Variants in PTPRQ observed in about 807,000 individuals in gnomAD.
PTPRQ encodes phosphatidylinositol phosphatase PTPRQ.
PTPRQ carries 199 observed loss-of-function variants against 246.0 expected under a neutral mutation model. That is an observed-to-expected ratio of 0.81 (90% CI 0.72 to 0.91). The LOEUF (loss-of-function observed/expected upper bound fraction) is 0.91. PTPRQ is among the 40% of genes least tolerant of loss of function. PTPRQ has a pLI of 0.00. For missense variants in PTPRQ, 2,624 were observed against 2,528.4 expected (o/e 1.04, Z -0.81); for synonymous variants, 869 against 853.2 (o/e 1.02, Z -0.32).
intron 17 of PTPRQ, among the ~76,000 whole-genome samples, chr12:80,522,971 C>T (rs1385477106): frequency 7.2e-5 from 11 of 152,066 alleles, no homozygotes; most frequent in South Asian, 2.1e-4. Context: ...TGGTAGAATT[C>T]GGCTGTGAAT....
At chr12:80,500,047 CAA>C (rs1045585751) in intron 14 of PTPRQ, among the ~76,000 whole-genome samples, 13 of 151,726 alleles carry the variant, frequency 8.6e-5, no homozygotes, top group East Asian at 1.9e-4. Flanking sequence ...AGATGTTGAC[CAA>C]AATTTTGTGT....
chr12:80,647,777 T>C (rs1269485557), intron 35 of PTPRQ, among the ~76,000 whole-genome samples: 1 of 152,166 alleles, frequency 6.6e-6, no homozygotes, highest in Non-Finnish European at 1.5e-5. Context: ...CCACCAAGAC[T>C]CTTTGTTAGT....
At position 80,635,065 on chromosome 12, in the gene PTPRQ, A is replaced by G; in HGVS notation, c.5907A>G (p.Arg1969=). The G allele has an allele frequency of 6.4e-7, 1 of 1,550,858 alleles. No homozygotes were observed. Among genetic ancestry groups the G allele is most frequent in the Non-Finnish European group, 8.7e-7 (1 of 1,146,608 alleles). Reference sequence around the variant, plus strand: ...CAGACCTGGAACTGAAGGACGAGAGATTAACGCGGTGAGCACACTCCTCTG... The same window carrying G: ...CAGACCTGGAACTGAAGGACGAGAGGTTAACGCGGTGAGCACACTCCTCTG... The part of the protein sequence containing the change: ...TVADLELKDE[R]LTRLLSYRKS... The change falls in exon 35 of 45, where the codon AGA becomes AGG. Residue 1969 remains arginine (R), a synonymous_variant. Transcript: ENST00000644991.
At chr12:80,611,695 G>A (rs909005695) in intron 28 of PTPRQ, among the ~76,000 whole-genome samples, 23 of 150,292 alleles carry the variant, frequency 1.5e-4, no homozygotes, top group Non-Finnish European at 6.0e-5. Flanking sequence ...TCTAAGAGTA[G>A]AATTTTATGT....
At chr12:80,553,569 T>C (rs61951068) in intron 25 of PTPRQ, among the ~76,000 whole-genome samples, 53 of 152,180 alleles carry the variant, frequency 3.5e-4, no homozygotes, top group Non-Finnish European at 6.5e-4. Context: ...TCTCACTGCC[T>C]AGTGTCTGAC....
At chr12:80,452,694 C>A (rs1016680368) in intron 3 of PTPRQ, among the ~76,000 whole-genome samples, 1 of 152,152 alleles carries the variant, frequency 6.6e-6, no homozygotes, top group African/African-American at 2.4e-5. Context: ...AATATTGGCC[C>A]CCACTCTCTT....
At chr12:80,620,656 T>C (rs1163303049) in intron 32 of PTPRQ, among the ~76,000 whole-genome samples, 3 of 151,798 alleles carry the variant, frequency 2.0e-5, no homozygotes, top group African/African-American at 7.2e-5. Flanking sequence ...TTGGAGAACA[T>C]AGGTATATAG....
At chr12:80,556,964 G>GTT (rs1896663996) in intron 25 of PTPRQ, among the ~76,000 whole-genome samples, 1 of 152,136 alleles carries the variant, frequency 6.6e-6, no homozygotes, top group African/African-American at 2.4e-5. Context: ...TGATGTGACT[G>GTT]TCCCAGAAGT....
intron 38 of PTPRQ, among the ~76,000 whole-genome samples, chr12:80,656,308 G>A (rs917168330): frequency 6.6e-6 from 1 of 152,068 alleles, no homozygotes; most frequent in African/African-American, 2.4e-5. Flanking sequence ...CCTATTATAA[G>A]CTTTCATGTA....
intron 3 of PTPRQ, among the ~76,000 whole-genome samples, chr12:80,448,014 T>A (rs1892605852): frequency 1.3e-5 from 2 of 152,106 alleles, no homozygotes; most frequent in Non-Finnish European, 2.9e-5. Context: ...ATTCTTCCAA[T>A]CCAAGAGCAT....
chr12:80,445,428 T>C (rs1220345708), intron 2 of PTPRQ, 63 bp from the exon 3 acceptor site: 4 of 998,380 alleles, frequency 4.0e-6, no homozygotes, highest in Non-Finnish European at 5.8e-6. Flanking sequence ...ACTGTTATTA[T>C]GTATTTTTGT....
rs1390154821 is a variant in PTPRQ, at chr12:80,482,764, C to A, written c.1187-1669C>A. Among the ~76,000 whole-genome samples the A allele has an allele frequency of 2.0e-5, 3 of 151,118 alleles. No homozygotes were observed. In the South Asian group the frequency reaches 6.2e-4, roughly 31 times the overall value. ...AGAAGACATTTATGCAGCCAAAAGA[C>A]ACATGAAAAAATGCTTATCATCACT... On this transcript the variant is annotated intron_variant, in intron 8 of 44. Transcript: ENST00000644991.
intron 21 of PTPRQ, 37 bp downstream of exon 21, chr12:80,541,882 G>A: frequency 1.3e-6 from 2 of 1,486,212 alleles, no homozygotes; most frequent in Non-Finnish European, 1.8e-6. Flanking sequence ...TAAGCAGATT[G>A]TTGTTCTTTT....
chr12:80,483,367 G>T (rs1437087205), intron 8 of PTPRQ, among the ~76,000 whole-genome samples: 2 of 126,616 alleles, frequency 1.6e-5, no homozygotes, highest in Non-Finnish European at 3.3e-5. Flanking sequence ...CACACTCTGG[G>T]GCCTGTTGTG....
chr12:80,542,983 A>T (rs1896200553), intron 23 of PTPRQ, 102 bp downstream of exon 23: 2 of 837,082 alleles, frequency 2.4e-6, no homozygotes, highest in Non-Finnish European at 1.7e-6. Flanking sequence ...TTAAACAATG[A>T]CTATTTTTTT....
At chr12:80,634,157 T>C (rs906963671) in intron 34 of PTPRQ, among the ~76,000 whole-genome samples, 3 of 152,220 alleles carry the variant, frequency 2.0e-5, no homozygotes, top group Non-Finnish European at 4.4e-5. Context: ...TTTTCTGCAT[T>C]GAAATCTTGC....
chr12:80,645,783 T>A (rs1238576158), intron 35 of PTPRQ, among the ~76,000 whole-genome samples: 2 of 152,084 alleles, frequency 1.3e-5, no homozygotes, highest in Non-Finnish European at 2.9e-5. Context: ...GTACGAAGAA[T>A]GCCTGGAATG....
rs544307561 is a variant in PTPRQ at position 80,586,255 on chromosome 12, C to G, written c.4286-1874C>G. On this transcript the variant is annotated intron_variant, in intron 25 of 44. Transcript: ENST00000644991. The stretch of plus-strand genomic sequence containing the variant: ...GCGAAGGACATGAACAGACACTTCT[C>G]AAAAGAAGACATTTATGCAGCCAAA... 1.5e-3 allele frequency among the ~76,000 whole-genome samples: 226 copies of G among 151,780 alleles called. 10 individuals carry two copies. The South Asian group carries it at 0.047, about 31-fold the overall frequency.
At chr12:80,475,226 T>C (rs991100443) in intron 8 of PTPRQ, among the ~76,000 whole-genome samples, 1 of 152,130 alleles carries the variant, frequency 6.6e-6, no homozygotes, top group Non-Finnish European at 1.5e-5. Flanking sequence ...TATAAATATA[T>C]TAACTCGAGA....
Sources: gnomAD v4.1 joint callset for allele counts (sites outside exome capture counted in the v4.1 genomes callset) on GRCh38, gnomAD v4.1.1 for gene constraint, MANE v1.5 for transcripts, NCBI Gene and HGNC (gene_info 2026-07-23, HGNC 2026-07-21) for gene names.